Variants in PCDHA4 observed in about 807,000 individuals in gnomAD.
PCDHA4 encodes protocadherin alpha-4.
PCDHA4 carries 49 observed loss-of-function variants against 61.4 expected under a neutral mutation model. The observed-to-expected ratio is 0.80, with a 90% CI of 0.63 to 1.01. The LOEUF (loss-of-function observed/expected upper bound fraction) is 1.01, where lower values mean the gene tolerates loss of function less well. PCDHA4 is among the 50% of genes least tolerant of loss of function. The pLI, the probability that PCDHA4 is intolerant of heterozygous loss-of-function variation, is 0.00. For missense variants in PCDHA4, 1,254 were observed against 1,235.8 expected (o/e 1.01, Z -0.22); for synonymous variants, 590 against 550.3 (o/e 1.07, Z -1.01).
chr5:140,954,025 C>T (rs533473552), intron 1 of PCDHA4, among the ~76,000 whole-genome samples: 385 of 152,188 alleles, frequency 2.5e-3, no homozygotes, highest in Middle Eastern at 0.014. Context: ...CATAGTGGGA[C>T]GATGTGGTAT....
intron 1 of PCDHA4, chr5:140,877,601 T>A (rs2057236715): frequency 6.2e-7 from 1 of 1,613,744 alleles, no homozygotes; most frequent in Non-Finnish European, 8.5e-7. Flanking sequence ...GTGTCCAGCC[T>A]GCTGGTGCTC....
At chr5:140,966,259 G>C (rs1358322921) in intron 1 of PCDHA4, 1 of 340,612 alleles carries the variant, frequency 2.9e-6, no homozygotes, top group Non-Finnish European at 5.3e-6. Context: ...AGACGGTGGA[G>C]ACTGGATGAA....
chr5:140,829,877 G>C, intron 1 of PCDHA4: 1 of 1,613,956 alleles, frequency 6.2e-7, no homozygotes, highest in East Asian at 2.2e-5. Flanking sequence ...GAAGGTGCGC[G>C]CAGTTGACGC....
At chr5:140,809,607 A>G (rs1554125314) in intron 1 of PCDHA4, 35 bp downstream of exon 1, 2 of 1,523,828 alleles carry the variant, frequency 1.3e-6, no homozygotes, top group Non-Finnish European at 1.8e-6. Context: ...TAATTTTCGT[A>G]TTGTTTTTCT....
At position 141,009,879 on chromosome 5, in the gene PCDHA4, A is replaced by G; in HGVS notation, c.2786A>G (p.Asn929Ser). Reference protein sequence around the residue: ...TKKKKKKKKGNKTQEKKEKGN... With the variant: ...TKKKKKKKKGSKTQEKKEKGN... ...AAAAAGAAGAAAAAGAAGAAGGGTA[A>G]CAAGACCCAGGAGAAAAAAGAGAAA... Residue 929 changes from asparagine (N) to serine (S), a missense_variant, in exon 4 of 4, where the codon AAC (asparagine) becomes AGC (serine). Asn to Ser is a conservative substitution (Grantham distance 46). Coordinates refer to ENST00000530339, the MANE Select transcript of PCDHA4 (RefSeq NM_018907.4). 12 of 1,613,884 alleles carry G rather than the reference A, an allele frequency of 7.4e-6. No individual in the cohort carries two copies. Among genetic ancestry groups the G allele is most frequent in the Non-Finnish European group, 1.0e-5 (12 of 1,179,984 alleles).
intron 1 of PCDHA4, chr5:140,867,128 A>G (rs1328487179): frequency 2.0e-5 from 3 of 152,164 alleles, no homozygotes; most frequent in African/African-American, 4.8e-5. Flanking sequence ...TAATTCAAAT[A>G]TGTGATATTA....
chr5:140,979,122 T>C (rs1271679977), intron 2 of PCDHA4, 115 bp downstream of exon 2: 2 of 1,493,778 alleles, frequency 1.3e-6, no homozygotes, highest in African/African-American at 2.8e-5. Flanking sequence ...TTAGGTACTT[T>C]GCCAGGAAAA....
Position 140,848,471 on chromosome 5 carries a change from A to C in PCDHA4, c.2385+38899A>C, listed in dbSNP as rs1410675725. 39 of 1,555,188 alleles carry C rather than the reference A, an allele frequency of 2.5e-5. 4 individuals carry two copies. Among genetic ancestry groups the C allele is most frequent in the Non-Finnish European group, 3.2e-5 (37 of 1,144,100 alleles). On this transcript the variant is annotated intron_variant, in intron 1 of 3. Transcript: ENST00000530339. ...TCTAATTTGGAGGCAATTTTCACTA[A>C]TTAGAAGAAGACTGAGTATTTGAAA...
At chr5:140,863,336 T>A (rs782350790) in intron 1 of PCDHA4, 1 of 1,385,482 alleles carries the variant, frequency 7.2e-7, no homozygotes, top group Admixed American at 1.8e-5. Flanking sequence ...GTGCTCACGT[T>A]GCTGCTGTAC....
At chr5:140,835,716 G>A in intron 1 of PCDHA4, 1 of 1,613,908 alleles carries the variant, frequency 6.2e-7, no homozygotes, top group Non-Finnish European at 8.5e-7. Flanking sequence ...GTCCGTGGAG[G>A]TGGCCGACGT....
intron 1 of PCDHA4, among the ~76,000 whole-genome samples, chr5:140,872,775 A>G (rs2053889520): frequency 1.3e-5 from 2 of 152,182 alleles, no homozygotes; most frequent in Non-Finnish European, 1.5e-5. Context: ...TATATTATCT[A>G]TAATATATGC....
chr5:140,911,404 A>G (rs2075457175), intron 1 of PCDHA4, among the ~76,000 whole-genome samples: 1 of 152,174 alleles, frequency 6.6e-6, no homozygotes, highest in African/African-American at 2.4e-5. Flanking sequence ...CAGGTCAGCC[A>G]CTGGTATGAT....
intron 1 of PCDHA4, chr5:140,857,099 G>C (rs2044359336): frequency 1.9e-6 from 3 of 1,597,240 alleles, no homozygotes; most frequent in Non-Finnish European, 2.6e-6. Context: ...TGAGGTGATT[G>C]TCACTTCTCT....
chr5:140,846,537 G>A (rs1780542061), intron 1 of PCDHA4, among the ~76,000 whole-genome samples: 1 of 148,262 alleles, frequency 6.7e-6, no homozygotes, highest in Admixed American at 6.8e-5. Context: ...ACCATGCCCT[G>A]CTAATTTTTT....
chr5:140,823,503 G>C, intron 1 of PCDHA4: 1 of 1,613,406 alleles, frequency 6.2e-7, no homozygotes, highest in Non-Finnish European at 8.5e-7. Flanking sequence ...GCGGCGCAGT[G>C]AGCGAGCTGG....
At chr5:140,838,624 A>G (rs181370925) in intron 1 of PCDHA4, among the ~76,000 whole-genome samples, 2 of 152,192 alleles carry the variant, frequency 1.3e-5, no homozygotes, top group Admixed American at 1.3e-4. Flanking sequence ...TTTTTTACAA[A>G]TAATTTGGTT....
rs2150482773 is a variant in PCDHA4, at chr5:140,850,408, A to G, written c.2385+40836A>G. The G allele has an allele frequency of 6.3e-6, 10 of 1,597,776 alleles. 1 individual carries two copies. The South Asian group carries it at 9.9e-5, about 16-fold the overall frequency. ...GAGATCAGCACAACGCGTGCCCTGG[A>G]CGAAACGGACGCACCGCGCCAGCGC... On this transcript the variant is annotated intron_variant, in intron 1 of 3. Coordinates refer to ENST00000530339, the MANE Select transcript of PCDHA4 (RefSeq NM_018907.4).
At chr5:140,809,929 A>G (rs976840498) in intron 1 of PCDHA4, 1 of 169,298 alleles carries the variant, frequency 5.9e-6, no homozygotes, top group Non-Finnish European at 1.3e-5. Flanking sequence ...AGCTCCATAA[A>G]TTGTATGAAA....
chr5:140,841,711 G>A (rs1385576183), intron 1 of PCDHA4: 3 of 1,613,772 alleles, frequency 1.9e-6, no homozygotes, highest in Admixed American at 1.7e-5. Flanking sequence ...ATGACAACCC[G>A]CCAGTGTTCC....
Sources: gnomAD v4.1 joint callset for allele counts (sites outside exome capture counted in the v4.1 genomes callset) on GRCh38, gnomAD v4.1.1 for gene constraint, MANE v1.5 for transcripts, NCBI Gene and HGNC (gene_info 2026-07-23, HGNC 2026-07-21) for gene names.